PDE11A: variants seen among roughly 807,000 people sequenced by gnomAD.
The protein encoded by PDE11A is phosphodiesterase 11A.
In PDE11A, 100 loss-of-function variants were observed where a neutral mutation model predicts 100.5. The ratio of observed to expected loss-of-function variants is 1.00; its 90% CI spans 0.85 to 1.18. The LOEUF is 1.18. PDE11A is among the 50% of genes most tolerant of loss of function. PDE11A has a pLI of 0.00. For missense variants in PDE11A, 1,141 were observed against 1,152.6 expected (o/e 0.99, Z 0.15); for synonymous variants, 381 against 420.8 (o/e 0.91, Z 1.16).
chr2:178,003,417 G>T (rs780512735), intron 2 of PDE11A, among the ~76,000 whole-genome samples: 12 of 152,098 alleles, frequency 7.9e-5, no homozygotes, highest in Admixed American at 3.9e-4. Flanking sequence ...GATGAGTCTT[G>T]AAAACGTTAT....
chr2:177,934,339 C>G (rs1266402210), intron 2 of PDE11A, among the ~76,000 whole-genome samples: 1 of 152,194 alleles, frequency 6.6e-6, no homozygotes, highest in Non-Finnish European at 1.5e-5. Context: ...CAAACAGACA[C>G]TTCTCAGAAG....
intron 2 of PDE11A, among the ~76,000 whole-genome samples, chr2:177,983,595 T>G (rs1207409268): frequency 1.3e-5 from 2 of 152,078 alleles, no homozygotes; most frequent in Non-Finnish European, 2.9e-5. Flanking sequence ...AGCCACTTAC[T>G]GTGATAAATT....
chr2:177,989,514 G>T (rs2085978160), intron 2 of PDE11A, among the ~76,000 whole-genome samples: 1 of 152,186 alleles, frequency 6.6e-6, no homozygotes, highest in African/African-American at 2.4e-5. Context: ...GTGGGGAAAT[G>T]ACTCCACTCA....
At chr2:177,643,590 A>G (rs1266746881) in intron 19 of PDE11A, among the ~76,000 whole-genome samples, 2 of 152,240 alleles carry the variant, frequency 1.3e-5, no homozygotes, top group Non-Finnish European at 2.9e-5. Flanking sequence ...TGACAATGCA[A>G]TAGAAAAGAA....
intron 2 of PDE11A, among the ~76,000 whole-genome samples, chr2:177,982,353 G>C (rs915313933): frequency 6.6e-6 from 1 of 150,418 alleles, no homozygotes; most frequent in East Asian, 1.9e-4. Context: ...TTTACAAAAT[G>C]ATATATATTT....
chr2:177,905,099 C>G lies in PDE11A; in HGVS notation c.1160G>C (p.Arg387Thr). The G allele has an allele frequency of 6.4e-7, 1 of 1,554,592 alleles. No homozygotes were observed. Among genetic ancestry groups the G allele is most frequent in the South Asian group, 1.1e-5 (1 of 89,882 alleles). The change falls in exon 3 of 20, where the codon AGA becomes ACA. Residue 387 changes from arginine to threonine, a missense_variant and splice_region_variant. Arg to Thr is a moderately conservative substitution (Grantham distance 71). Coordinates refer to ENST00000286063, the MANE Select transcript of PDE11A (RefSeq NM_016953.4). Reference sequence around the variant, plus strand: ...TCAACAATGTTTTTATTTACTCACTCTGCTTCTTTCATATTCTTTCCTTGA... The same window carrying G: ...TCAACAATGTTTTTATTTACTCACTGTGCTTCTTTCATATTCTTTCCTTGA... ...AASRKEYERS[R>T]ALLEVVNDLF... is the part of the protein sequence containing the mutation.
chr2:177,810,131 C>T (rs896532698), intron 9 of PDE11A, among the ~76,000 whole-genome samples: 11 of 152,152 alleles, frequency 7.2e-5, no homozygotes, highest in Admixed American at 7.2e-4. Context: ...GAAGGGAATA[C>T]GAGCTGATGT....
At chr2:178,061,681 T>C (rs1266714572) in intron 1 of PDE11A, among the ~76,000 whole-genome samples, 1 of 152,220 alleles carries the variant, frequency 6.6e-6, no homozygotes, top group Non-Finnish European at 1.5e-5. Flanking sequence ...TTCCATTTTA[T>C]ACCTTCATAT....
At chr2:178,097,077 G>A (rs994845800) in intron 2 of PDE11A, among the ~76,000 whole-genome samples, 1 of 151,802 alleles carries the variant, frequency 6.6e-6, no homozygotes, top group Non-Finnish European at 1.5e-5. Context: ...TAGTAGAGAC[G>A]GGGTTTCACC....
intron 4 of PDE11A, among the ~76,000 whole-genome samples, chr2:177,893,203 T>A (rs2084557454): frequency 6.6e-6 from 1 of 152,234 alleles, no homozygotes; most frequent in Non-Finnish European, 1.5e-5. Context: ...GTTTTGTTCA[T>A]AATTTTAGGT....
intron 1 of PDE11A, among the ~76,000 whole-genome samples, chr2:178,027,321 GACATGAGAAAGTT>G (rs2086490340): frequency 6.6e-6 from 1 of 152,110 alleles, no homozygotes; most frequent in Non-Finnish European, 1.5e-5. Context: ...GTTTTATTAT[GACATGAGAAAGTT>G]ACATGAAGAA....
At chr2:178,075,551 C>CAAAAAAAAAAAAAAAAAAA, upstream of PDE11A, among the ~76,000 whole-genome samples, 1 of 47,854 alleles carries the variant, frequency 2.1e-5, no homozygotes, top group Non-Finnish European at 3.8e-5. Flanking sequence ...GACTCTGTCT[C>CAAAAAAAAAAAAAAAAAAA]AAAAAAAAAA....
chr2:177,815,089 C>T (rs1466241421), intron 9 of PDE11A, among the ~76,000 whole-genome samples: 1 of 152,084 alleles, frequency 6.6e-6, no homozygotes, highest in African/African-American at 2.4e-5. Context: ...TTTTTAATAG[C>T]TGCAGTTACT....
At chr2:177,771,933 C>T (rs1028041957) in intron 9 of PDE11A, among the ~76,000 whole-genome samples, 4 of 151,796 alleles carry the variant, frequency 2.6e-5, no homozygotes, top group African/African-American at 9.7e-5. Context: ...ACCCGGGAGG[C>T]GGAGGTTGCA....
intron 10 of PDE11A, among the ~76,000 whole-genome samples, chr2:177,761,521 T>C (rs1336064162): frequency 1.3e-5 from 2 of 152,200 alleles, no homozygotes; most frequent in African/African-American, 4.8e-5. Flanking sequence ...GATTCTCTCC[T>C]AAAAATGCAA....
chr2:177,993,280 C>G (rs1416949250), intron 2 of PDE11A, among the ~76,000 whole-genome samples: 1 of 151,934 alleles, frequency 6.6e-6, no homozygotes, highest in Non-Finnish European at 1.5e-5. Flanking sequence ...AATTGTGTAA[C>G]CTGGAGCAAA....
Position 177,731,103 on chromosome 2 carries a change from C to T in PDE11A, c.1789-2931G>A, listed in dbSNP as rs114828348. ...TCCTCAAAGTTTATCCATGTTAAAG[C>T]ATATGACAGGTTTTCTTTTTTTTAA... On this transcript the variant is annotated intron_variant, in intron 10 of 19. Coordinates refer to ENST00000286063, the MANE Select transcript of PDE11A (RefSeq NM_016953.4). 8.2e-3 allele frequency among the ~76,000 whole-genome samples: 1,252 copies of T among 152,280 alleles called. 15 individuals carry two copies. Among genetic ancestry groups the T allele is most frequent in the African/African-American group, 0.028 (1,175 of 41,560 alleles).
intron 10 of PDE11A, among the ~76,000 whole-genome samples, chr2:177,744,340 CT>C (rs5836624): frequency 1.2e-3 from 170 of 146,496 alleles, no homozygotes; most frequent in Non-Finnish European, 1.2e-3. Flanking sequence ...TTGTTTCATG[CT>C]TTTTTTTTTT....
chr2:177,850,777 A>G (rs1168584945), intron 5 of PDE11A, among the ~76,000 whole-genome samples: 3 of 152,250 alleles, frequency 2.0e-5, no homozygotes, highest in East Asian at 3.8e-4. Flanking sequence ...CAACAGACAC[A>G]TGAAAAAATG....
Sources: gnomAD v4.1 joint callset for allele counts (sites outside exome capture counted in the v4.1 genomes callset) on GRCh38, gnomAD v4.1.1 for gene constraint, MANE v1.5 for transcripts, NCBI Gene and HGNC (gene_info 2026-07-23, HGNC 2026-07-21) for gene names.